Variants in ITCH observed in about 807,000 individuals in gnomAD.
ITCH encodes itchy E3 ubiquitin protein ligase, also known as E3 ubiquitin-protein ligase Itchy homolog.
ITCH carries 28 observed loss-of-function variants against 126.8 expected under a neutral mutation model. The observed-to-expected ratio is 0.22, with a 90% CI of 0.16 to 0.30. The LOEUF is 0.30. Among genes scored for constraint, ITCH ranks in the 10% least tolerant of loss-of-function variants. The probability of loss-of-function intolerance (pLI) is 1.00; values close to 1 mark genes in which losing one functional copy is unlikely to be tolerated. For missense variants in ITCH, 631 were observed against 1,032.4 expected (o/e 0.61, Z 5.33); for synonymous variants, 342 against 340.0 (o/e 1.01, Z -0.06).
At position 34,470,271 on chromosome 20, in the gene ITCH, G is replaced by C. The variant is rs1162517213; in HGVS notation, c.1497+151G>C. The C allele has an allele frequency of 5.3e-6, 4 of 752,428 alleles. No homozygotes were observed. The African/African-American group carries it at 6.9e-5, about 13-fold the overall frequency. 46.6% of individuals were successfully genotyped at this position (752,428 alleles called of 1,614,324 possible). A position where few individuals can be genotyped will look rare whatever the true frequency, so the allele number is the denominator to read the frequency against. ...CATCTATTTTTAGAGCAAATAAATA[G>C]ATTTATCAATTAGATCATTTGTGAC... On this transcript the variant is annotated intron_variant, in intron 15 of 24. Transcript: ENST00000374864.
chr20:34,442,187 C>G (rs752064723), intron 9 of ITCH, 21 bp from the exon 10 acceptor site: 14 of 1,575,990 alleles, frequency 8.9e-6, no homozygotes, highest in Non-Finnish European at 1.2e-5. Flanking sequence ...ATTTTACCAG[C>G]CTTTTAATTT....
chr20:34,431,677 G>A (rs751956568), intron 7 of ITCH, among the ~76,000 whole-genome samples: 26 of 152,172 alleles, frequency 1.7e-4, no homozygotes, highest in Non-Finnish European at 2.6e-4. Context: ...AAAAAGGGAT[G>A]ATGAGAAGTG....
At chr20:34,373,340 A>G (rs1182034349) in intron 2 of ITCH, among the ~76,000 whole-genome samples, 2 of 150,458 alleles carry the variant, frequency 1.3e-5, no homozygotes, top group Non-Finnish European at 3.0e-5. Context: ...CAGTGGTGTA[A>G]TCTTGGCTCA....
At chr20:34,427,704 T>C (rs1010075346) in intron 7 of ITCH, among the ~76,000 whole-genome samples, 3 of 152,224 alleles carry the variant, frequency 2.0e-5, no homozygotes, top group Admixed American at 6.5e-5. Context: ...TTTAGTATTA[T>C]TATATTTAGT....
chr20:34,489,261 G>T lies in ITCH; in HGVS notation c.2094-5G>T. The T allele has an allele frequency of 1.2e-6, 2 of 1,612,834 alleles. No individual in the cohort carries two copies. Among genetic ancestry groups the T allele is most frequent in the Non-Finnish European group, 1.7e-6 (2 of 1,179,136 alleles). On this transcript the variant is annotated splice_region_variant and splice_polypyrimidine_tract_variant and intron_variant, in intron 20 of 24. Transcript: ENST00000374864. ...CTGATAGGTTTTTTCATATTTGTTT[G>T]CCAGAATGGTAGCTGAGTGGAGGTT...
At chr20:34,498,260 T>TA (rs1206169166) in intron 23 of ITCH, among the ~76,000 whole-genome samples, 1 of 152,224 alleles carries the variant, frequency 6.6e-6, no homozygotes, top group African/African-American at 2.4e-5. Flanking sequence ...TTTCTGTATA[T>TA]AAGGTCATGT....
At chr20:34,501,296 T>G (rs1418129892) in intron 23 of ITCH, among the ~76,000 whole-genome samples, 1 of 152,216 alleles carries the variant, frequency 6.6e-6, no homozygotes, top group Non-Finnish European at 1.5e-5. Flanking sequence ...TAGAAAATAC[T>G]TATACATAGC....
intron 6 of ITCH, chr20:34,416,974 A>G (rs1979953342): frequency 1.4e-5 from 6 of 414,060 alleles, no homozygotes; most frequent in South Asian, 8.3e-5. Flanking sequence ...CAGTGGCACT[A>G]TCTCAGCTCA....
intron 15 of ITCH, among the ~76,000 whole-genome samples, chr20:34,471,007 A>G (rs745909537): frequency 7.9e-5 from 12 of 152,204 alleles, no homozygotes; most frequent in Non-Finnish European, 1.8e-4. Flanking sequence ...GATGTGATCA[A>G]CTATTTCTTA....
chr20:34,493,398 A>G (rs1479591363), intron 23 of ITCH, among the ~76,000 whole-genome samples: 1 of 152,256 alleles, frequency 6.6e-6, no homozygotes, highest in Non-Finnish European at 1.5e-5. Context: ...CTCAAGCTGC[A>G]TTTAGGAAGA....
At chr20:34,436,471 GT>G (rs1983020205) in intron 7 of ITCH, among the ~76,000 whole-genome samples, 1 of 152,182 alleles carries the variant, frequency 6.6e-6, no homozygotes, top group African/African-American at 2.4e-5. Context: ...TCTTAAAATG[GT>G]TTTGGAAACC....
chr20:34,501,573 C>T (rs975487314), intron 23 of ITCH, among the ~76,000 whole-genome samples: 6 of 151,960 alleles, frequency 3.9e-5, no homozygotes, highest in African/African-American at 1.5e-4. Context: ...GTTGGGAGTT[C>T]GAGACCAGCC....
intron 2 of ITCH, among the ~76,000 whole-genome samples, chr20:34,374,212 GT>G (rs1230623834): frequency 7.9e-5 from 12 of 152,194 alleles, no homozygotes; most frequent in African/African-American, 2.6e-4. Flanking sequence ...GAAAGAGTAG[GT>G]TCTACAATTT....
At chr20:34,473,115 T>C (rs1015715337) in intron 16 of ITCH, among the ~76,000 whole-genome samples, 2 of 152,214 alleles carry the variant, frequency 1.3e-5, no homozygotes, top group African/African-American at 4.8e-5. Flanking sequence ...AATAAAAATA[T>C]AAGAGAACAA....
chr20:34,369,238 C>G (rs557762283), intron 1 of ITCH, among the ~76,000 whole-genome samples, 156 bp from the exon 2 acceptor site: 2 of 152,288 alleles, frequency 1.3e-5, no homozygotes, highest in South Asian at 2.1e-4. Flanking sequence ...GAGGCTGAGG[C>G]AGAAGAATCG....
intron 12 of ITCH, among the ~76,000 whole-genome samples, chr20:34,449,787 G>A (rs1284942308): frequency 2.0e-5 from 3 of 152,030 alleles, no homozygotes; most frequent in African/African-American, 7.2e-5. Context: ...AGGTCTGGGT[G>A]GACTTCAAGA....
chr20:34,415,658 G>T (rs1979725893), intron 6 of ITCH, among the ~76,000 whole-genome samples: 1 of 152,158 alleles, frequency 6.6e-6, no homozygotes, highest in Non-Finnish European at 1.5e-5. Flanking sequence ...CTGATTTGGA[G>T]TTGACACTTT....
At chr20:34,463,263 T>C (rs1166001184) in intron 14 of ITCH, among the ~76,000 whole-genome samples, 1 of 152,166 alleles carries the variant, frequency 6.6e-6, no homozygotes, top group Admixed American at 6.5e-5. Context: ...CTCGGGAGTG[T>C]GAGGCAGGAG....
intron 20 of ITCH, among the ~76,000 whole-genome samples, chr20:34,482,630 T>C (rs1405187774): frequency 6.6e-6 from 1 of 152,230 alleles, no homozygotes; most frequent in East Asian, 1.9e-4. Flanking sequence ...TTGCAGGGTA[T>C]AGCCCCCCAC....
Sources: gnomAD v4.1 joint callset for allele counts (sites outside exome capture counted in the v4.1 genomes callset) on GRCh38, gnomAD v4.1.1 for gene constraint, MANE v1.5 for transcripts, NCBI Gene and HGNC (gene_info 2026-07-23, HGNC 2026-07-21) for gene names.